Variants in LHFPL3 observed in about 807,000 individuals in gnomAD.
The protein encoded by LHFPL3 is LHFPL tetraspan subfamily member 3, also known as LHFPL tetraspan subfamily member 3 protein.
LHFPL3 carries 5 observed loss-of-function variants against 19.3 expected under a neutral mutation model. The ratio of observed to expected loss-of-function variants is 0.26; its 90% CI spans 0.14 to 0.54. LHFPL3 has a LOEUF of 0.54. Ranked by LOEUF, LHFPL3 falls within the 20% of genes least tolerant of loss-of-function variation. The pLI, the probability that LHFPL3 is intolerant of heterozygous loss-of-function variation, is 0.94. For missense variants in LHFPL3, 249 were observed against 307.4 expected, an observed-to-expected ratio of 0.81 and a Z score of 1.42; for synonymous variants, 133 against 126.2, an observed-to-expected ratio of 1.05 and a Z score of -0.36.
intron 1 of LHFPL3, among the ~76,000 whole-genome samples, chr7:104,586,607 T>A (rs935493096): frequency 1.3e-5 from 2 of 152,192 alleles, no homozygotes; most frequent in Admixed American, 6.6e-5. Flanking sequence ...TTGGATTTTT[T>A]AAAAAATAAA....
At chr7:104,590,245 C>T (rs1461212353) in intron 1 of LHFPL3, among the ~76,000 whole-genome samples, 1 of 152,038 alleles carries the variant, frequency 6.6e-6, no homozygotes, top group African/African-American at 2.4e-5. Flanking sequence ...CTCTTGTGGA[C>T]ATTTAGTGCT....
intron 2 of LHFPL3, among the ~76,000 whole-genome samples, chr7:104,769,362 C>T (rs375397618): frequency 4.6e-5 from 7 of 152,214 alleles, no homozygotes; most frequent in African/African-American, 1.7e-4. Context: ...CCCAAATTCT[C>T]AAGTGTAGGA....
chr7:104,660,983 C>CT (rs1792214904), intron 1 of LHFPL3, among the ~76,000 whole-genome samples: 1 of 152,180 alleles, frequency 6.6e-6, no homozygotes, highest in African/African-American at 2.4e-5. Flanking sequence ...GGTGCTGCTG[C>CT]TTGCTGGTGA....
chr7:104,817,373 T>C (rs1365046259), intron 2 of LHFPL3, among the ~76,000 whole-genome samples: 1 of 152,126 alleles, frequency 6.6e-6, no homozygotes, highest in Admixed American at 6.5e-5. Flanking sequence ...ATTCAGCTTC[T>C]CAAACTGCTG....
At chr7:104,422,351 A>T (rs1171259713) in intron 1 of LHFPL3, among the ~76,000 whole-genome samples, 2 of 147,854 alleles carry the variant, frequency 1.4e-5, no homozygotes, top group African/African-American at 5.2e-5. Flanking sequence ...ACAGAGCAAG[A>T]CTCTGTCTCA....
intron 2 of LHFPL3, among the ~76,000 whole-genome samples, chr7:104,786,032 A>C (rs1341519624): frequency 6.6e-6 from 1 of 152,170 alleles, no homozygotes; most frequent in Non-Finnish European, 1.5e-5. Context: ...TGTCCATGTC[A>C]GACCCTCTGT....
rs1017538903 is a variant in LHFPL3 at position 104,399,996 on chromosome 7, C to T, written c.445+70772C>T. 2.0e-5 allele frequency among the ~76,000 whole-genome samples: 3 copies of T among 150,304 alleles called. No individual in the cohort carries two copies. The highest frequency in any genetic ancestry group is 6.7e-5 in the Admixed American group (1 of 15,034). On this transcript the variant is annotated intron_variant, in intron 1 of 2. Transcript: ENST00000424859. This position sits in a 1 kb window ranked among gnomAD's most constrained non-coding sequence, Gnocchi z 4.4. ...GCAGATGCCTGTAATCCCAGCTACCCGGGAGGCTGAGGCTGAAGAATCCTT... is the reference window on the plus strand; with the variant it reads ...GCAGATGCCTGTAATCCCAGCTACCTGGGAGGCTGAGGCTGAAGAATCCTT...
intron 1 of LHFPL3, among the ~76,000 whole-genome samples, chr7:104,444,800 C>G (rs1432185396): frequency 6.6e-6 from 1 of 152,066 alleles, no homozygotes; most frequent in Non-Finnish European, 1.5e-5. Context: ...ACCAGCCTGA[C>G]CAACATGGAG....
chr7:104,509,775 T>TA (rs1424558214), intron 1 of LHFPL3, among the ~76,000 whole-genome samples: 2 of 151,848 alleles, frequency 1.3e-5, no homozygotes, highest in African/African-American at 4.8e-5. Context: ...ATAAAAGACA[T>TA]ACAGATACAA....
At chr7:104,392,428 C>T (rs1458695471) in intron 1 of LHFPL3, among the ~76,000 whole-genome samples, 9 of 151,864 alleles carry the variant, frequency 5.9e-5, no homozygotes, top group Non-Finnish European at 1.2e-4. Context: ...GCCTTTTCTG[C>T]ATCTATTGAG....
intron 1 of LHFPL3, among the ~76,000 whole-genome samples, chr7:104,677,473 A>T (rs952275398): frequency 6.6e-6 from 1 of 152,146 alleles, no homozygotes; most frequent in African/African-American, 2.4e-5. Context: ...AAATCAACCA[A>T]TATGTTATGT....
At chr7:104,410,441 T>G (rs775811603) in intron 1 of LHFPL3, among the ~76,000 whole-genome samples, 4 of 152,260 alleles carry the variant, frequency 2.6e-5, no homozygotes, top group Non-Finnish European at 4.4e-5. Flanking sequence ...CCTGTATGTC[T>G]GTTTTACCCA....
At chr7:104,519,551 C>G (rs1007787286) in intron 1 of LHFPL3, among the ~76,000 whole-genome samples, 2 of 152,102 alleles carry the variant, frequency 1.3e-5, no homozygotes, top group African/African-American at 4.8e-5. Flanking sequence ...GAAACTGGCA[C>G]CTTTAAAAAG....
At chr7:104,615,877 C>T (rs183248879) in intron 1 of LHFPL3, among the ~76,000 whole-genome samples, 1 of 152,234 alleles carries the variant, frequency 6.6e-6, no homozygotes, top group East Asian at 1.9e-4. Flanking sequence ...TGAGTGAACT[C>T]CCATTCACAA....
chr7:104,579,035 C>T (rs555384533), intron 1 of LHFPL3, among the ~76,000 whole-genome samples: 13 of 152,228 alleles, frequency 8.5e-5, no homozygotes, highest in African/African-American at 3.1e-4. Context: ...TGGATCTTAG[C>T]TTATGGTACA....
chr7:104,620,533 T>C (rs1209184027), intron 1 of LHFPL3, among the ~76,000 whole-genome samples: 1 of 152,254 alleles, frequency 6.6e-6, no homozygotes, highest in East Asian at 1.9e-4. Flanking sequence ...TCAACATCTA[T>C]TTCATTTTCC....
intron 2 of LHFPL3, chr7:104,799,410 A>T (rs1360307155): frequency 6.6e-6 from 1 of 152,198 alleles, no homozygotes; most frequent in Non-Finnish European, 1.5e-5. Flanking sequence ...ACAGGCAGCC[A>T]CACCTGCCTC....
intron 1 of LHFPL3, among the ~76,000 whole-genome samples, chr7:104,603,069 TC>T (rs1251631775): frequency 6.5e-5 from 2 of 30,830 alleles, no homozygotes; most frequent in East Asian, 3.4e-3. Context: ...TCTTTCTTTT[TC>T]TTTCTTTCTT....
chr7:104,852,984 C>G (rs1584576796), intron 2 of LHFPL3, among the ~76,000 whole-genome samples: 1 of 152,244 alleles, frequency 6.6e-6, no homozygotes, highest in East Asian at 1.9e-4. Flanking sequence ...ACCGTCTGCC[C>G]GAGGCAGGAG....
Sources: allele counts gnomAD v4.1 joint callset (sites outside exome capture counted in the v4.1 genomes callset), GRCh38; gene constraint gnomAD v4.1.1; non-coding constraint Gnocchi (gnomAD v3.1); transcripts MANE v1.5; gene names NCBI Gene and HGNC (gene_info 2026-07-23, HGNC 2026-07-21).